Variants in SMC6 observed in about 807,000 individuals in gnomAD.
SMC6 encodes structural maintenance of chromosomes protein 6.
Under a neutral mutation model 142.2 loss-of-function variants are expected in SMC6, and 79 were observed. The ratio of observed to expected loss-of-function variants is 0.56; its 90% CI spans 0.46 to 0.67. The LOEUF (loss-of-function observed/expected upper bound fraction) is 0.67, where lower values mean the gene tolerates loss of function less well. Among genes scored for constraint, SMC6 ranks in the 30% least tolerant of loss-of-function variants. The probability of loss-of-function intolerance (pLI) is 0.00; values close to 1 mark genes in which losing one functional copy is unlikely to be tolerated. For synonymous variants in SMC6, 411 were observed against 412.4 expected (o/e 1.00, Z 0.04); for missense variants, 1,072 against 1,284.0 (o/e 0.83, Z 2.52).
chr2:17,737,174 G>A (rs1670197173), intron 5 of SMC6, among the ~76,000 whole-genome samples: 1 of 152,042 alleles, frequency 6.6e-6, no homozygotes. Context: ...AGTCAATTTG[G>A]AATCTTGGCT....
At chr2:17,690,547 TTGCACCAC>T (rs1378135396) in intron 23 of SMC6, among the ~76,000 whole-genome samples, 1 of 151,970 alleles carries the variant, frequency 6.6e-6, no homozygotes, top group East Asian at 1.9e-4. Flanking sequence ...TGAGCCAAGA[TTGCACCAC>T]TGCACTCCAG....
intron 9 of SMC6, among the ~76,000 whole-genome samples, chr2:17,723,726 G>T (rs2125022513): frequency 6.6e-6 from 1 of 152,198 alleles, no homozygotes; most frequent in Admixed American, 6.5e-5. Context: ...TGAATAATTA[G>T]GTCTATGATC....
At chr2:17,706,965 C>T (rs1276013620) in intron 18 of SMC6, among the ~76,000 whole-genome samples, 1 of 152,106 alleles carries the variant, frequency 6.6e-6, no homozygotes, top group South Asian at 2.1e-4. Context: ...GGACAAGTAA[C>T]AAATAGTGTA....
Position 17,722,487 on chromosome 2 carries a change from T to TG in SMC6, c.727-1227dup, listed in dbSNP as rs1669421348. ...AACAAAACCACCAATACCCATCCCT[T>TG]GGCACCACCTCCTCCTCTAAAATTC... On this transcript the variant is annotated intron_variant, in intron 9 of 27. Transcript: ENST00000448223. Among the ~76,000 whole-genome samples the TG allele has an allele frequency of 2.0e-5, 3 of 152,286 alleles. No individual in the cohort carries two copies. The South Asian group carries it at 6.2e-4, about 32-fold the overall frequency.
intron 22 of SMC6, 50 bp from the exon 23 acceptor site, chr2:17,695,347 T>C: frequency 6.5e-7 from 1 of 1,527,688 alleles, no homozygotes; most frequent in Non-Finnish European, 8.8e-7. Context: ...GATATAACAA[T>C]TCATTATACT....
chr2:17,720,845 T>C, intron 11 of SMC6, 95 bp downstream of exon 11: 3 of 1,048,292 alleles, frequency 2.9e-6, no homozygotes, highest in Non-Finnish European at 4.2e-6. Context: ...AAATATACTG[T>C]CTGAAACTGA....
intron 24 of SMC6, 59 bp from the exon 25 acceptor site, chr2:17,679,023 T>C (rs1667126421): frequency 5.1e-6 from 6 of 1,170,202 alleles, no homozygotes. Flanking sequence ...AAAAACTATA[T>C]TCAGCATGAT....
intron 2 of SMC6, among the ~76,000 whole-genome samples, chr2:17,749,215 A>C (rs1206616753): frequency 6.6e-6 from 1 of 152,194 alleles, no homozygotes; most frequent in Admixed American, 6.5e-5. Context: ...TGCTGGAATA[A>C]AAAAAGGAGA....
Position 17,703,175 on chromosome 2 carries a change from T to C in SMC6, c.2124A>G (p.Leu708=), listed in dbSNP as rs1309945976. The change falls in exon 19 of 28, where the codon CTA becomes CTG. Residue 708 remains leucine, a synonymous_variant. Coordinates refer to ENST00000448223, the MANE Select transcript of SMC6 (RefSeq NM_001142286.2). ...HNEELLKRCQ[L]HYKELKMKIR... ...TTTTTACCTTTAGTTCTTTATAATG[T>C]AGTTGGCACCTTTTAAGAAGTTCCT... 2 of 1,465,776 alleles carry C rather than the reference T, an allele frequency of 1.4e-6. No homozygotes were observed. Among genetic ancestry groups the C allele is most frequent in the South Asian group, 2.4e-5 (2 of 82,056 alleles). The allele number at this position is 1,465,776 out of a possible 1,614,324, so 90.8% of individuals were successfully genotyped here.
chr2:17,708,836 A>AT lies in SMC6; in HGVS notation c.1731-84_1731-83insA, dbSNP rs113290670. 839 of 380,774 alleles carry AT rather than the reference A, an allele frequency of 2.2e-3. 4 individuals carry two copies. The highest frequency in any genetic ancestry group is 0.016 in the African/African-American group (726 of 46,798). The allele number at this position is 380,774 out of a possible 1,614,324, so 23.6% of individuals were successfully genotyped here. On this transcript the variant is annotated intron_variant, in intron 16 of 27. Coordinates refer to ENST00000448223, the MANE Select transcript of SMC6 (RefSeq NM_001142286.2). ...ATATGAAAATTGTGTATATATATAT[A>AT]AGAGTATATATATTTCCATATATAT...
chr2:17,731,850 C>T lies in SMC6; in HGVS notation c.372G>A (p.Arg124=). 1 of 1,613,620 alleles carries T rather than the reference C, an allele frequency of 6.2e-7. No homozygotes were observed. Among genetic ancestry groups the T allele is most frequent in the Non-Finnish European group, 8.5e-7 (1 of 1,179,742 alleles). Residue 124 remains arginine, a synonymous_variant, in exon 6 of 28, where the codon AGG becomes AGA. Transcript: ENST00000448223. ...CTTTAAAGGCATCATCTCCTCTGTT[C>T]CTCAATGTTATTGAGATATCTGCAG... ...QNSADISITL[R]NRGDDAFKAS...
In SMC6 at chr2:17,692,437, C is replaced by A. The variant is rs369988589; in HGVS notation, c.2678+2715G>T. On this transcript the variant is annotated intron_variant, in intron 23 of 27. Coordinates refer to ENST00000448223, the MANE Select transcript of SMC6 (RefSeq NM_001142286.2). ...ACTATCTGATTTTTGACAAACCTCACGAAAACAAGAAATGGGCGAAGGATT... is the reference window on the plus strand; with the variant it reads ...ACTATCTGATTTTTGACAAACCTCAAGAAAACAAGAAATGGGCGAAGGATT... Among the ~76,000 whole-genome samples, 4 of 152,118 alleles carry A rather than the reference C, an allele frequency of 2.6e-5. No individual in the cohort carries two copies. The South Asian group carries it at 8.3e-4, about 32-fold the overall frequency.
intron 2 of SMC6, among the ~76,000 whole-genome samples, chr2:17,748,324 T>C (rs1558385261): frequency 6.6e-6 from 1 of 152,200 alleles, no homozygotes; most frequent in African/African-American, 2.4e-5. Context: ...TGAATTGTTA[T>C]GTAAACCATG....
intron 7 of SMC6, among the ~76,000 whole-genome samples, chr2:17,728,878 A>G (rs913858900): frequency 1.3e-5 from 2 of 152,014 alleles, no homozygotes. Flanking sequence ...CCTCCTGAGT[A>G]GCTGGGGCTA....
intron 2 of SMC6, among the ~76,000 whole-genome samples, chr2:17,749,930 T>A (rs1558386431): frequency 6.6e-6 from 1 of 152,262 alleles, no homozygotes; most frequent in Admixed American, 6.5e-5. Flanking sequence ...GAATCTGCCC[T>A]GGCCTGTGTT....
chr2:17,678,994 A>G (rs749556329), intron 24 of SMC6, 30 bp from the exon 25 acceptor site: 2 of 1,488,894 alleles, frequency 1.3e-6, no homozygotes, highest in Non-Finnish European at 1.9e-6. Flanking sequence ...GCACATTAAA[A>G]AGAGGGCAAA....
At chr2:17,741,933 T>C (rs1670490959) in intron 3 of SMC6, among the ~76,000 whole-genome samples, 1 of 152,230 alleles carries the variant, frequency 6.6e-6, no homozygotes, top group Admixed American at 6.5e-5. Context: ...TTAAAGGATT[T>C]AAAAGTATAT....
chr2:17,707,461 C>A (rs1668562687), intron 17 of SMC6, 82 bp from the exon 18 acceptor site: 1 of 797,500 alleles, frequency 1.3e-6, no homozygotes, highest in Admixed American at 3.8e-5. Flanking sequence ...GTTACTCGTC[C>A]TTATTATTTT....
At chr2:17,713,000 C>G (rs181133572) in intron 16 of SMC6, among the ~76,000 whole-genome samples, 250 of 152,338 alleles carry the variant, frequency 1.6e-3, no homozygotes, top group African/African-American at 4.2e-3. Flanking sequence ...CTCACTCTTA[C>G]CACAACCTCC....
Sources: gnomAD v4.1 joint callset for allele counts (sites outside exome capture counted in the v4.1 genomes callset) on GRCh38, gnomAD v4.1.1 for gene constraint, MANE v1.5 for transcripts, NCBI Gene and HGNC (gene_info 2026-07-23, HGNC 2026-07-21) for gene names.